The following SLC35F4 variants were observed in gnomAD, a reference collection of about 807,000 sequenced individuals.
The protein encoded by SLC35F4 is solute carrier family 35 member F4, also known as chromosome 14 open reading frame 36.
A neutral mutation model predicts 44.2 loss-of-function variants in SLC35F4; 24 were observed. That is an observed-to-expected ratio of 0.54 (90% confidence interval 0.39 to 0.76). The LOEUF (loss-of-function observed/expected upper bound fraction) is 0.76. Ranked by LOEUF, SLC35F4 falls within the 30% of genes least tolerant of loss-of-function variation. The pLI is 0.00. For missense variants in SLC35F4, 562 were observed against 586.1 expected, an observed-to-expected ratio of 0.96 and a Z score of 0.42; for synonymous variants, 238 against 223.6, an observed-to-expected ratio of 1.06 and a Z score of -0.57.
At chr14:57,848,440 G>A (rs1886225227) in intron 1 of SLC35F4, among the ~76,000 whole-genome samples, 1 of 152,194 alleles carries the variant, frequency 6.6e-6, no homozygotes, top group South Asian at 2.1e-4. Context: ...CTACTTGACT[G>A]TCAGAATGCT....
rs147084388 is a variant in SLC35F4 at position 57,884,588 on chromosome 14, C to T, written n.282+97325G>A. Among the ~76,000 whole-genome samples, 288 of 152,264 alleles carry T rather than the reference C, an allele frequency of 1.9e-3. 1 individual carries two copies. The highest frequency in any genetic ancestry group is 6.8e-3 in the Middle Eastern group (2 of 294). ...TTTTTTCAAAGCTTCTAATGTATTA[C>T]ACACCTCATGCCAATGTATACAGAG... On this transcript the variant is annotated intron_variant and non_coding_transcript_variant, in intron 1 of 1. Coordinates refer to the SLC35F4 transcript ENST00000556568.
At chr14:57,684,062 C>T (rs952461741) in intron 1 of SLC35F4, among the ~76,000 whole-genome samples, 26 of 152,082 alleles carry the variant, frequency 1.7e-4, no homozygotes, top group Non-Finnish European at 1.0e-4. Flanking sequence ...CCTCTCCAGC[C>T]GCAGGGCACT....
chr14:57,975,212 G>A (rs1193452753), downstream of SLC35F4, among the ~76,000 whole-genome samples: 2 of 152,174 alleles, frequency 1.3e-5, no homozygotes, highest in Non-Finnish European at 2.9e-5. Flanking sequence ...AGAGAGGCTT[G>A]CTACAATCCT....
intron 1 of SLC35F4, among the ~76,000 whole-genome samples, chr14:57,952,796 C>G (rs113536910): frequency 6.6e-6 from 1 of 151,908 alleles, no homozygotes; most frequent in Admixed American, 6.5e-5. Flanking sequence ...TGTGAAAAGA[C>G]CAAATCAACG....
chr14:57,750,137 G>T (rs1046395369), intron 1 of SLC35F4, among the ~76,000 whole-genome samples: 1 of 151,748 alleles, frequency 6.6e-6, no homozygotes, highest in Non-Finnish European at 1.5e-5. Context: ...AAAACATGCG[G>T]TATTTGTCTT....
chr14:57,568,815 G>A (rs1375345467), intron 6 of SLC35F4, among the ~76,000 whole-genome samples: 3 of 152,144 alleles, frequency 2.0e-5, no homozygotes, highest in Non-Finnish European at 2.9e-5. Context: ...ATGTGGAGTG[G>A]GCAGAGGGAG....
intron 1 of SLC35F4, among the ~76,000 whole-genome samples, chr14:57,623,771 T>C (rs957826553): frequency 6.6e-6 from 1 of 152,126 alleles, no homozygotes; most frequent in Non-Finnish European, 1.5e-5. Context: ...AGTTACAATG[T>C]ACCAGAATCT....
intron 1 of SLC35F4, among the ~76,000 whole-genome samples, chr14:57,783,625 AC>A (rs1309395799): frequency 6.6e-6 from 1 of 152,136 alleles, no homozygotes; most frequent in African/African-American, 2.4e-5. Flanking sequence ...GACAATAAGA[AC>A]CATTTTTCTG....
chr14:57,745,468 C>A (rs1040585211), intron 1 of SLC35F4, among the ~76,000 whole-genome samples: 1 of 152,160 alleles, frequency 6.6e-6, no homozygotes, highest in Non-Finnish European at 1.5e-5. Flanking sequence ...ATGCAGCCAA[C>A]AGACACATGA....
chr14:57,941,062 T>G (rs1270845959), intron 1 of SLC35F4, among the ~76,000 whole-genome samples: 1 of 152,212 alleles, frequency 6.6e-6, no homozygotes, highest in Admixed American at 6.5e-5. Context: ...GGCAAGAATG[T>G]GGAGAACTTG....
At chr14:57,847,543 T>G (rs1206430243) in intron 1 of SLC35F4, among the ~76,000 whole-genome samples, 1 of 152,146 alleles carries the variant, frequency 6.6e-6, no homozygotes, top group African/African-American at 2.4e-5. Context: ...TAAACAAAGG[T>G]AAAATGGGCC....
chr14:57,617,283 A>G (rs181516938), intron 1 of SLC35F4, among the ~76,000 whole-genome samples: 3,373 of 151,674 alleles, frequency 0.022, 69 homozygotes, highest in Middle Eastern at 0.048. Context: ...GGCGCCTGCT[A>G]CCACATTCGG....
rs572660364 is a variant in SLC35F4, at chr14:57,865,989, AGCG to A, written c.-167_-165del. Reference sequence around the variant, plus strand: ...CGGCGCAGCACCGGCTCCGCATCACAGCGGCGGCGGCGGCGGCGGCGGCGGAGC... The same window carrying A: ...CGGCGCAGCACCGGCTCCGCATCACAGCGGCGGCGGCGGCGGCGGCGGAGC... On this transcript the variant is annotated 5_prime_UTR_variant, in exon 1 of 8. Coordinates refer to ENST00000556826, the MANE Select transcript of SLC35F4 (RefSeq NM_001306087.2). The A allele has an allele frequency of 0.01, 3,744 of 366,028 alleles. No homozygotes were observed. Among genetic ancestry groups the A allele is most frequent in the South Asian group, 0.013 (182 of 13,566 alleles). The allele number at this position is 366,028 out of a possible 1,614,324, so 22.7% of individuals were successfully genotyped here.
chr14:57,619,589 A>G (rs1263666395), intron 1 of SLC35F4, among the ~76,000 whole-genome samples: 1 of 152,204 alleles, frequency 6.6e-6, no homozygotes, highest in Non-Finnish European at 1.5e-5. Context: ...ATGGGGAGAA[A>G]CCAGCACAAA....
At chr14:57,598,792 T>C (rs1423524691) in intron 1 of SLC35F4, among the ~76,000 whole-genome samples, 1 of 152,118 alleles carries the variant, frequency 6.6e-6, no homozygotes, top group Non-Finnish European at 1.5e-5. Flanking sequence ...CCCCAAATCG[T>C]GAAGCAAACA....
intron 1 of SLC35F4, among the ~76,000 whole-genome samples, chr14:57,800,171 T>C (rs978463543): frequency 9.9e-5 from 15 of 152,188 alleles, no homozygotes; most frequent in Non-Finnish European, 2.1e-4. Flanking sequence ...GCTGCCATCT[T>C]TGCTCTTTCA....
intron 1 of SLC35F4, among the ~76,000 whole-genome samples, chr14:57,857,562 A>G (rs1288913248): frequency 6.6e-6 from 1 of 152,108 alleles, no homozygotes; most frequent in Non-Finnish European, 1.5e-5. Context: ...CGTTAGCACA[A>G]TAAACTTTAT....
rs572529624 is a variant in SLC35F4 at position 57,890,764 on chromosome 14, C to T, written n.282+91149G>A. ...ATTATCAAAAGTTTTAGAAATGAGG[C>T]ATAAAACTGAGGGAAAGGGGACTGC... On this transcript the variant is annotated intron_variant and non_coding_transcript_variant, in intron 1 of 1. Transcript: ENST00000556568. Among the ~76,000 whole-genome samples the T allele has an allele frequency of 2.6e-5, 4 of 152,072 alleles. No homozygotes were observed. In the South Asian group the frequency reaches 6.2e-4, roughly 24 times the overall value.
chr14:57,743,409 C>T (rs1283373741), intron 1 of SLC35F4, among the ~76,000 whole-genome samples: 2 of 152,126 alleles, frequency 1.3e-5, no homozygotes, highest in African/African-American at 4.8e-5. Context: ...ACCAATCCCA[C>T]AGAAATACAA....
Sources: gnomAD v4.1 joint callset for allele counts (sites outside exome capture counted in the v4.1 genomes callset) on GRCh38, gnomAD v4.1.1 for gene constraint, MANE v1.5 for transcripts, NCBI Gene and HGNC (gene_info 2026-07-23, HGNC 2026-07-21) for gene names.